APBA2: variants seen among roughly 807,000 people sequenced by gnomAD.
The protein encoded by APBA2 is amyloid beta precursor protein binding family A member 2.
A neutral mutation model predicts 75.0 loss-of-function variants in APBA2; 30 were observed. That is an observed-to-expected ratio of 0.40 (90% CI 0.30 to 0.54). The LOEUF is 0.54. Ranked by LOEUF, APBA2 falls within the 20% of genes least tolerant of loss-of-function variation. The pLI is 0.49. For missense variants in APBA2, 801 were observed against 1,016.1 expected (o/e 0.79, Z 2.88); for synonymous variants, 444 against 409.6 (o/e 1.08, Z -1.01).
chr15:29,065,447 C>T (rs972221267), intron 4 of APBA2, among the ~76,000 whole-genome samples: 12 of 152,158 alleles, frequency 7.9e-5, no homozygotes, highest in African/African-American at 2.7e-4. Flanking sequence ...ACAACCAGTG[C>T]CAGTCAGTTA....
At chr15:29,115,124 G>A (rs1168427310) in intron 14 of APBA2, among the ~76,000 whole-genome samples, 1 of 151,976 alleles carries the variant, frequency 6.6e-6, no homozygotes, top group Non-Finnish European at 1.5e-5. Flanking sequence ...GGCCTACAGA[G>A]GGGCCCGCTG....
chr15:28,941,236 C>T (rs942372141), intron 2 of APBA2, among the ~76,000 whole-genome samples: 2 of 152,156 alleles, frequency 1.3e-5, no homozygotes, highest in Admixed American at 6.5e-5. Context: ...TGAAGCGTCT[C>T]AGCACATCTG....
rs1344933453 is a variant in APBA2, at chr15:28,922,679, C to T, written c.-95+930C>T. 2.6e-5 allele frequency among the ~76,000 whole-genome samples: 4 copies of T among 152,248 alleles called. No homozygotes were observed. In the South Asian group the frequency reaches 6.2e-4, roughly 24 times the overall value. On this transcript the variant is annotated intron_variant, in intron 2 of 14. Transcript: ENST00000683413. ...GCTCCCACTGGCCTCCCCATGGTTT[C>T]GATCTGTAACCCAGACCCTGTTCCC... is the stretch of plus-strand genomic sequence containing the variant.
At chr15:28,894,831 G>C (rs1473622158) in intron 1 of APBA2, among the ~76,000 whole-genome samples, 1 of 152,108 alleles carries the variant, frequency 6.6e-6, no homozygotes, top group Non-Finnish European at 1.5e-5. Flanking sequence ...TGCATCTAGA[G>C]GCGAGGGGAG....
At chr15:29,108,728 CTGTGCTCAACA>C (rs1339201424) in intron 13 of APBA2, 1 of 454,804 alleles carries the variant, frequency 2.2e-6, no homozygotes, top group Admixed American at 3.4e-5. Context: ...GCATCACTTA[CTGTGCTCAACA>C]AACAGACGTT....
chr15:29,103,532 C>A (rs2044236551), intron 10 of APBA2, among the ~76,000 whole-genome samples: 1 of 152,244 alleles, frequency 6.6e-6, no homozygotes, highest in Admixed American at 6.5e-5. Flanking sequence ...AGCCGGTACC[C>A]GGCGTGGAGT....
At chr15:29,106,346 G>A (rs1171913323) in intron 11 of APBA2, among the ~76,000 whole-genome samples, 2 of 151,430 alleles carry the variant, frequency 1.3e-5, no homozygotes, top group Non-Finnish European at 2.9e-5. Flanking sequence ...GGCACGGGTG[G>A]GGATAGGGGG....
At chr15:28,924,808 CTG>C (rs1190964909) in intron 2 of APBA2, among the ~76,000 whole-genome samples, 1 of 152,128 alleles carries the variant, frequency 6.6e-6, no homozygotes, top group African/African-American at 2.4e-5. Flanking sequence ...TGTGGTGACT[CTG>C]TTTCACTTTT....
intron 1 of APBA2, among the ~76,000 whole-genome samples, chr15:28,915,715 A>C (rs2033659877): frequency 6.6e-6 from 1 of 150,900 alleles, no homozygotes; most frequent in African/African-American, 2.4e-5. Context: ...ACCATATACC[A>C]CACACACTAC....
chr15:28,917,776 G>A (rs2033752613), intron 1 of APBA2, among the ~76,000 whole-genome samples: 2 of 152,156 alleles, frequency 1.3e-5, no homozygotes, highest in Admixed American at 1.3e-4. Flanking sequence ...TTAGTAGATC[G>A]TTAGTTGCTT....
At chr15:28,960,841 C>T (rs2036430151) in intron 2 of APBA2, among the ~76,000 whole-genome samples, 1 of 149,292 alleles carries the variant, frequency 6.7e-6, no homozygotes, top group Admixed American at 6.7e-5. Flanking sequence ...CTCGCCGCAA[C>T]CTCCGCCTCC....
At chr15:29,075,461 T>A (rs1196984278) in intron 5 of APBA2, among the ~76,000 whole-genome samples, 1 of 152,162 alleles carries the variant, frequency 6.6e-6, no homozygotes, top group Admixed American at 6.6e-5. Context: ...TAGATCCTTG[T>A]ACCTACCCCA....
chr15:28,931,499 G>A (rs1418854207), intron 2 of APBA2, among the ~76,000 whole-genome samples: 1 of 152,178 alleles, frequency 6.6e-6, no homozygotes, highest in African/African-American at 2.4e-5. Flanking sequence ...TGTTCACTGG[G>A]ACCTGGTGCT....
At chr15:29,025,232 A>G (rs2040155272) in intron 3 of APBA2, among the ~76,000 whole-genome samples, 1 of 151,950 alleles carries the variant, frequency 6.6e-6, no homozygotes, top group Non-Finnish European at 1.5e-5. Context: ...AGGCTGAAGA[A>G]GAGACCCAGA....
chr15:29,067,864 A>G (rs2042444662), intron 4 of APBA2, among the ~76,000 whole-genome samples: 1 of 152,136 alleles, frequency 6.6e-6, no homozygotes. Flanking sequence ...AGGCAGTTCC[A>G]TTGAGACTAA....
intron 1 of APBA2, among the ~76,000 whole-genome samples, chr15:28,891,730 CATT>C (rs1327414860): frequency 1.3e-5 from 2 of 152,154 alleles, no homozygotes; most frequent in Non-Finnish European, 2.9e-5. Context: ...AGGAAACTCT[CATT>C]AGTAAATAGT....
chr15:29,117,196 G>A lies in APBA2; in HGVS notation c.*63G>A. On this transcript the variant is annotated 3_prime_UTR_variant, in exon 15 of 15. Transcript: ENST00000683413. The stretch of plus-strand genomic sequence containing the variant: ...AGGGCCGCCCGGGCCCAGAGGAGCT[G>A]GGAGCCGGGCCGCAGACTTGACCCC... 3.3e-6 allele frequency: 5 copies of A among 1,531,934 alleles called. No individual in the cohort carries two copies. Among genetic ancestry groups the A allele is most frequent in the Non-Finnish European group, 4.5e-6 (5 of 1,107,844 alleles). The allele number at this position is 1,531,934 out of a possible 1,614,324, so 94.9% of individuals were successfully genotyped here. A position where few individuals can be genotyped will look rare whatever the true frequency, so the allele number is the denominator to read the frequency against.
intron 1 of APBA2, among the ~76,000 whole-genome samples, chr15:28,901,908 A>ATGTGTGTGTGTGTGTGTGTGTG (rs766260051): frequency 0.04 from 2,686 of 67,380 alleles, 442 homozygotes; most frequent in Non-Finnish European, 0.048. Context: ...GGAGCTTTTG[A>ATGTGTGTGTGTGTGTGTGTGTG]TGTGTGTGTG....
intron 5 of APBA2, among the ~76,000 whole-genome samples, chr15:29,075,336 TTCTAAACTAGGGTTTCTC>T (rs1357275264): frequency 6.6e-6 from 1 of 152,196 alleles, no homozygotes; most frequent in Admixed American, 6.5e-5. Context: ...GATAACCATG[TTCTAAACTAGGGTTTCTC>T]AACAATGACA....
Sources: allele counts gnomAD v4.1 joint callset (sites outside exome capture counted in the v4.1 genomes callset), GRCh38; gene constraint gnomAD v4.1.1; transcripts MANE v1.5; gene names NCBI Gene and HGNC (gene_info 2026-07-23, HGNC 2026-07-21).